Variants in MACROD2 observed in about 807,000 individuals in gnomAD.
The protein encoded by MACROD2 is mono-ADP ribosylhydrolase 2.
In MACROD2, 36 loss-of-function variants were observed where a neutral mutation model predicts 70.4. That is an observed-to-expected ratio of 0.51 (90% CI 0.39 to 0.68). MACROD2 has a LOEUF of 0.68. MACROD2 is among the 30% of genes least tolerant of loss of function. The pLI is 0.00. For missense variants in MACROD2, 496 were observed against 538.4 expected, an observed-to-expected ratio of 0.92 and a Z score of 0.78; for synonymous variants, 172 against 178.8, an observed-to-expected ratio of 0.96 and a Z score of 0.30.
At chr20:14,756,975 C>T (rs1030475774) in intron 5 of MACROD2, among the ~76,000 whole-genome samples, 5 of 152,098 alleles carry the variant, frequency 3.3e-5, no homozygotes, top group Admixed American at 2.0e-4. Context: ...GCTTCCCTTT[C>T]CACCATGACT....
At chr20:15,741,880 C>A (rs2146966141) in intron 8 of MACROD2, among the ~76,000 whole-genome samples, 1 of 152,214 alleles carries the variant, frequency 6.6e-6, no homozygotes, top group Non-Finnish European at 1.5e-5. Flanking sequence ...TCAATAAATA[C>A]TAGTTAAATG....
intron 13 of MACROD2, among the ~76,000 whole-genome samples, chr20:15,979,665 C>T (rs1033908950): frequency 5.9e-5 from 9 of 152,078 alleles, no homozygotes; most frequent in Admixed American, 3.3e-4. Flanking sequence ...TTCATTAGCC[C>T]GAGGCAAAAT....
chr20:15,364,510 G>A (rs1167200422), intron 6 of MACROD2, among the ~76,000 whole-genome samples: 1 of 152,170 alleles, frequency 6.6e-6, no homozygotes, highest in Non-Finnish European at 1.5e-5. Context: ...CCATGGTTCT[G>A]TTACTCTGGT....
intron 7 of MACROD2, among the ~76,000 whole-genome samples, chr20:15,446,367 G>C (rs1236065024): frequency 2.0e-5 from 3 of 152,186 alleles, no homozygotes; most frequent in Non-Finnish European, 4.4e-5. Flanking sequence ...GGCATAGGCA[G>C]CCTGTGCAAG....
intron 4 of MACROD2, among the ~76,000 whole-genome samples, chr20:14,663,519 TACACACACACACACAC>T (rs10606501): frequency 5.7e-5 from 8 of 141,556 alleles, no homozygotes; most frequent in South Asian, 2.3e-4. Flanking sequence ...CAGGGATGTA[TACACACACACACACAC>T]ACACACACAC....
intron 6 of MACROD2, among the ~76,000 whole-genome samples, chr20:15,274,250 A>G (rs1287736999): frequency 6.6e-6 from 1 of 152,210 alleles, no homozygotes; most frequent in East Asian, 1.9e-4. Context: ...AGTTGCAAAT[A>G]CAAGTTCCAT....
chr20:14,147,803 C>T (rs530361236), intron 3 of MACROD2, among the ~76,000 whole-genome samples: 1 of 152,160 alleles, frequency 6.6e-6, no homozygotes, highest in East Asian at 1.9e-4. Flanking sequence ...TCACTGAGCA[C>T]TTGGGGTTTG....
chr20:14,088,259 G>T, intron 3 of MACROD2, among the ~76,000 whole-genome samples: 1 of 150,684 alleles, frequency 6.6e-6, no homozygotes, highest in Non-Finnish European at 1.5e-5. Context: ...GAACCCGGGA[G>T]GCAGAGGTTG....
chr20:14,888,753 T>G (rs2073713145), intron 5 of MACROD2: 1 of 152,192 alleles, frequency 6.6e-6, no homozygotes. Flanking sequence ...GTTTTGCGCT[T>G]AAGTTTTAAA....
intron 4 of MACROD2, among the ~76,000 whole-genome samples, chr20:14,525,174 C>G (rs1435468834): frequency 2.0e-5 from 3 of 152,114 alleles, no homozygotes. Flanking sequence ...TGTTTATATT[C>G]TTATCTATCA....
intron 5 of MACROD2, among the ~76,000 whole-genome samples, chr20:14,956,977 A>G (rs1248851157): frequency 6.6e-6 from 1 of 152,084 alleles, no homozygotes; most frequent in African/African-American, 2.4e-5. Context: ...CTTATTTGAT[A>G]TTTTCCTCTA....
At chr20:15,677,554 G>T (rs12480413) in intron 8 of MACROD2, among the ~76,000 whole-genome samples, 4,684 of 152,152 alleles carry the variant, frequency 0.031, 220 homozygotes, top group East Asian at 0.17. Context: ...ACCAGGAATA[G>T]CTGTGGATAG....
rs938030306 is a variant in MACROD2 at position 15,276,620 on chromosome 20, G to A, written c.540+46559G>A. On this transcript the variant is annotated intron_variant, in intron 6 of 17. Transcript: ENST00000684519. Reference sequence around the variant, plus strand: ...CGGGGCCCTTTCTTCTCTCAACTTCGCAGTTTCACTCTTCCTGGTCTCTCA... The same window carrying A: ...CGGGGCCCTTTCTTCTCTCAACTTCACAGTTTCACTCTTCCTGGTCTCTCA... 2.0e-5 allele frequency among the ~76,000 whole-genome samples: 3 copies of A among 152,106 alleles called. No homozygotes were observed. In the South Asian group the frequency reaches 6.2e-4, roughly 32 times the overall value.
chr20:14,835,759 A>T (rs1456814214), intron 5 of MACROD2, among the ~76,000 whole-genome samples: 1 of 152,012 alleles, frequency 6.6e-6, no homozygotes. Context: ...AACTGTGGCC[A>T]TTTCAATTCC....
At chr20:16,019,882 G>C (rs2066979139) in intron 15 of MACROD2, among the ~76,000 whole-genome samples, 1 of 152,178 alleles carries the variant, frequency 6.6e-6, no homozygotes, top group South Asian at 2.1e-4. Flanking sequence ...TCAGGTGTCA[G>C]CCCCAGCAGT....
intron 7 of MACROD2, among the ~76,000 whole-genome samples, chr20:15,480,541 C>T (rs2047083149): frequency 6.6e-6 from 1 of 152,100 alleles, no homozygotes; most frequent in South Asian, 2.1e-4. Flanking sequence ...CTCCTCTGCC[C>T]CCCTTCTCCA....
intron 8 of MACROD2, among the ~76,000 whole-genome samples, chr20:15,510,965 A>G (rs950652469): frequency 8.5e-5 from 13 of 152,244 alleles, no homozygotes; most frequent in African/African-American, 3.1e-4. Context: ...GGGATCTACT[A>G]TTAACTAAAC....
intron 5 of MACROD2, among the ~76,000 whole-genome samples, chr20:15,065,570 C>T (rs188867305): frequency 2.0e-5 from 3 of 150,188 alleles, no homozygotes; most frequent in Admixed American, 6.7e-5. Flanking sequence ...AGGAGAATGG[C>T]GTGAACCTGG....
chr20:15,720,374 T>G (rs925114971), intron 8 of MACROD2, among the ~76,000 whole-genome samples: 1 of 152,206 alleles, frequency 6.6e-6, no homozygotes, highest in Non-Finnish European at 1.5e-5. Context: ...GGAACCTCCA[T>G]ACTATTTCCC....
Sources: gnomAD v4.1 joint callset for allele counts (sites outside exome capture counted in the v4.1 genomes callset) on GRCh38, gnomAD v4.1.1 for gene constraint, MANE v1.5 for transcripts, NCBI Gene and HGNC (gene_info 2026-07-23, HGNC 2026-07-21) for gene names.